Variants in NALF1 observed in about 807,000 individuals in gnomAD.
NALF1 encodes NALCN channel auxiliary factor 1.
A neutral mutation model predicts 48.4 loss-of-function variants in NALF1; 3 were observed. That is an observed-to-expected ratio of 0.06 (90% CI 0.03 to 0.16). NALF1 has a LOEUF of 0.16. NALF1 is among the 10% of genes least tolerant of loss of function. NALF1 has a pLI of 1.00. For missense variants in NALF1, 526 were observed against 571.5 expected, an observed-to-expected ratio of 0.92 and a Z score of 0.81; for synonymous variants, 262 against 245.7, an observed-to-expected ratio of 1.07 and a Z score of -0.62.
At chr13:107,267,423 T>TA (rs537284362) in intron 1 of NALF1, among the ~76,000 whole-genome samples, 8 of 150,424 alleles carry the variant, frequency 5.3e-5, no homozygotes, top group African/African-American at 1.2e-4. Flanking sequence ...GGCATGACCA[T>TA]AAAAAAAAAC....
intron 1 of NALF1, among the ~76,000 whole-genome samples, chr13:107,628,893 T>C (rs1053367120): frequency 1.3e-5 from 2 of 152,170 alleles, no homozygotes; most frequent in South Asian, 2.1e-4. Flanking sequence ...TCTTCGTGAA[T>C]CTTTTTCTTA....
chr13:107,569,048 T>C (rs1877900620), intron 1 of NALF1, among the ~76,000 whole-genome samples: 1 of 152,240 alleles, frequency 6.6e-6, no homozygotes, highest in Non-Finnish European at 1.5e-5. Context: ...AAAAGTTTTA[T>C]AGTTTTATAT....
At chr13:107,746,806 T>C (rs1328645448) in intron 1 of NALF1, among the ~76,000 whole-genome samples, 3 of 152,198 alleles carry the variant, frequency 2.0e-5, no homozygotes, top group African/African-American at 7.2e-5. Flanking sequence ...AGGACAGTCT[T>C]TTCAAGAGAT....
chr13:107,240,260 TCATCAGACATCAAATCTACC>T (rs1405547645), intron 1 of NALF1, among the ~76,000 whole-genome samples: 1 of 152,200 alleles, frequency 6.6e-6, no homozygotes, highest in African/African-American at 2.4e-5. Context: ...ATCCAAGGCC[TCATCAGACATCAAATCTACC>T]CATTCTTTGA....
At chr13:107,749,891 C>A (rs1876886317) in intron 1 of NALF1, among the ~76,000 whole-genome samples, 1 of 151,940 alleles carries the variant, frequency 6.6e-6, no homozygotes, top group Non-Finnish European at 1.5e-5. Context: ...GAGATCTTGG[C>A]TCACTGCAAC....
chr13:107,320,726 TTG>T (rs1420371672), intron 1 of NALF1, among the ~76,000 whole-genome samples: 1 of 152,144 alleles, frequency 6.6e-6, no homozygotes, highest in African/African-American at 2.4e-5. Context: ...ACTCATTGCA[TTG>T]TTATCGATTG....
chr13:107,594,051 A>G (rs567644507), intron 1 of NALF1, among the ~76,000 whole-genome samples: 11 of 152,116 alleles, frequency 7.2e-5, no homozygotes, highest in African/African-American at 2.6e-4. Flanking sequence ...AACCTTCTAG[A>G]TAACGATCCA....
chr13:107,304,105 A>G (rs1881891658), intron 1 of NALF1, among the ~76,000 whole-genome samples: 1 of 152,112 alleles, frequency 6.6e-6, no homozygotes, highest in South Asian at 2.1e-4. Context: ...TAAAAATCCA[A>G]TTTGGTTATA....
intron 1 of NALF1, among the ~76,000 whole-genome samples, chr13:107,663,136 A>C (rs1880771348): frequency 6.6e-6 from 1 of 152,188 alleles, no homozygotes. Context: ...TATAACTATC[A>C]TATGTCTTAC....
intron 1 of NALF1, among the ~76,000 whole-genome samples, chr13:107,806,284 C>A (rs938298748): frequency 2.1e-4 from 32 of 152,014 alleles, no homozygotes; most frequent in African/African-American, 7.7e-4. Flanking sequence ...AAATATTGAC[C>A]TTTTCAATTG....
intron 1 of NALF1, among the ~76,000 whole-genome samples, chr13:107,435,645 A>G (rs1443880105): frequency 6.6e-6 from 1 of 152,208 alleles, no homozygotes; most frequent in Non-Finnish European, 1.5e-5. Flanking sequence ...TCATTCAAAC[A>G]GGCTGATGGT....
At chr13:107,543,626 T>A (rs1877053335) in intron 1 of NALF1, among the ~76,000 whole-genome samples, 1 of 151,936 alleles carries the variant, frequency 6.6e-6, no homozygotes, top group Non-Finnish European at 1.5e-5. Context: ...GTTGAAACAG[T>A]GTAAGTTGAA....
At chr13:107,603,128 C>T (rs373497705) in intron 1 of NALF1, among the ~76,000 whole-genome samples, 37 of 152,172 alleles carry the variant, frequency 2.4e-4, no homozygotes, top group Admixed American at 7.2e-4. Context: ...TTAACAAAAA[C>T]GATCATTTTT....
rs1353939515 is a variant in NALF1, at chr13:107,793,898, A to G, written c.915+71784T>C. Among the ~76,000 whole-genome samples the G allele has an allele frequency of 7.9e-5, 12 of 152,282 alleles. No individual in the cohort carries two copies. The South Asian group carries it at 1.4e-3, about 18-fold the overall frequency. ...AGTTGCTTGAAATTGTCTGAAGAAT[A>G]AAATGAGTGTGACTATGAATTTCAC... On this transcript the variant is annotated intron_variant, in intron 1 of 2. Transcript: ENST00000375915.
chr13:107,818,716 C>CA (rs1231436172), intron 1 of NALF1, among the ~76,000 whole-genome samples: 1 of 148,778 alleles, frequency 6.7e-6, no homozygotes, highest in Non-Finnish European at 1.5e-5. Flanking sequence ...ACTAAAAATA[C>CA]AAAAAATTAG....
At chr13:107,250,112 C>T (rs2138843330) in intron 1 of NALF1, among the ~76,000 whole-genome samples, 2 of 150,566 alleles carry the variant, frequency 1.3e-5, no homozygotes, top group South Asian at 2.1e-4. Context: ...TCCCAAGTTC[C>T]CTAGTTAATA....
intron 1 of NALF1, among the ~76,000 whole-genome samples, chr13:107,426,851 T>C (rs2139013334): frequency 6.6e-6 from 1 of 152,274 alleles, no homozygotes; most frequent in East Asian, 1.9e-4. Context: ...TGGTATCATG[T>C]TATCTTGAGT....
intron 1 of NALF1, among the ~76,000 whole-genome samples, chr13:107,501,342 T>C (rs1875516427): frequency 6.6e-6 from 1 of 152,184 alleles, no homozygotes; most frequent in Non-Finnish European, 1.5e-5. Context: ...GGCAAATGCA[T>C]TCAGAATATA....
intron 2 of NALF1, among the ~76,000 whole-genome samples, chr13:107,200,279 G>A (rs1879484194): frequency 6.6e-6 from 1 of 152,188 alleles, no homozygotes; most frequent in Non-Finnish European, 1.5e-5. Context: ...AGCTTTGACA[G>A]ACGGGCATCC....
Sources: gnomAD v4.1 joint callset for allele counts (sites outside exome capture counted in the v4.1 genomes callset) on GRCh38, gnomAD v4.1.1 for gene constraint, MANE v1.5 for transcripts, NCBI Gene and HGNC (gene_info 2026-07-23, HGNC 2026-07-21) for gene names.